Variants in PREX1 observed in about 807,000 individuals in gnomAD.
The protein encoded by PREX1 is phosphatidylinositol-3,4,5-trisphosphate dependent Rac exchange factor 1.
A neutral mutation model predicts 198.3 loss-of-function variants in PREX1; 41 were observed. The observed-to-expected ratio is 0.21, with a 90% CI of 0.16 to 0.27. PREX1 has a LOEUF of 0.27. Among genes scored for constraint, PREX1 ranks in the 10% least tolerant of loss-of-function variants. PREX1 has a pLI of 1.00. For synonymous variants in PREX1, 843 were observed against 887.2 expected, an observed-to-expected ratio of 0.95 and a Z score of 0.89; for missense variants, 1,620 against 2,200.7, an observed-to-expected ratio of 0.74 and a Z score of 5.28.
intron 14 of PREX1, among the ~76,000 whole-genome samples, chr20:48,671,175 A>C (rs931589832): frequency 3.9e-5 from 6 of 152,246 alleles, no homozygotes; most frequent in Non-Finnish European, 8.8e-5. Flanking sequence ...GGTGTATGTC[A>C]GACCCATCCA....
At position 48,649,902 on chromosome 20, in the gene PREX1, T is replaced by A. The variant is rs976215741; in HGVS notation, c.3028+94A>T. 4.9e-6 allele frequency: 7 copies of A among 1,429,448 alleles called. No homozygotes were observed. The Admixed American group carries it at 1.3e-4, about 26-fold the overall frequency. 88.5% of individuals were successfully genotyped at this position (1,429,448 alleles called of 1,614,324 possible). The stretch of plus-strand genomic sequence containing the variant: ...TCCCTGATGACCATGGAGCCGCCAT[T>A]CCAGCCCTGGACGGCTGACCTTCAG... On this transcript the variant is annotated intron_variant, in intron 24 of 39. Transcript: ENST00000371941.
the PREX1 span, among the ~76,000 whole-genome samples, chr20:48,887,946 T>A: frequency 6.6e-6 from 1 of 151,662 alleles, no homozygotes; most frequent in South Asian, 2.1e-4. Context: ...TGAGATTCCG[T>A]CTCAAAAAAA....
chr20:48,679,489 G>A, intron 12 of PREX1, 80 bp from the exon 13 acceptor site: 1 of 1,490,108 alleles, frequency 6.7e-7, no homozygotes, highest in South Asian at 1.1e-5. Flanking sequence ...TGGGAGAGAT[G>A]GCTTCCAGGA....
chr20:48,749,930 T>C (rs947988200), intron 1 of PREX1, among the ~76,000 whole-genome samples: 5 of 152,036 alleles, frequency 3.3e-5, no homozygotes, highest in African/African-American at 1.2e-4. Context: ...CCCCCATGTT[T>C]ATATCCCCAG....
intron 1 of PREX1, among the ~76,000 whole-genome samples, chr20:48,817,519 T>G (rs1167576460): frequency 6.6e-6 from 1 of 152,120 alleles, no homozygotes; most frequent in African/African-American, 2.4e-5. Flanking sequence ...ATTTTATAGA[T>G]GAGGAAACCA....
At chr20:48,668,088 C>G (rs1210064382) in intron 14 of PREX1, among the ~76,000 whole-genome samples, 1 of 152,158 alleles carries the variant, frequency 6.6e-6, no homozygotes, top group Non-Finnish European at 1.5e-5. Flanking sequence ...TAGCCAGGGC[C>G]TGTTTCTGTT....
chr20:48,749,714 C>T (rs181427172), intron 1 of PREX1, among the ~76,000 whole-genome samples: 20 of 152,320 alleles, frequency 1.3e-4, no homozygotes, highest in Admixed American at 7.2e-4. Context: ...GAAGCAGCTT[C>T]GTCTCTGTCC....
chr20:48,641,391 T>C (rs990810015), intron 29 of PREX1, among the ~76,000 whole-genome samples: 2 of 152,198 alleles, frequency 1.3e-5, no homozygotes, highest in South Asian at 2.1e-4. Context: ...GCTTTTCATA[T>C]ATAGGGAGTT....
intron 4 of PREX1, among the ~76,000 whole-genome samples, chr20:48,729,490 TG>T (rs1337969135): frequency 6.6e-6 from 1 of 152,124 alleles, no homozygotes; most frequent in African/African-American, 2.4e-5. Context: ...CCCACCTGGA[TG>T]TACTGCAGGT....
At chr20:48,819,739 C>T (rs766732048) in intron 1 of PREX1, among the ~76,000 whole-genome samples, 4 of 152,340 alleles carry the variant, frequency 2.6e-5, no homozygotes, top group South Asian at 2.1e-4. Flanking sequence ...TTTCTTTTTG[C>T]GGTGTCTGAA....
intron 1 of PREX1, among the ~76,000 whole-genome samples, chr20:48,792,860 T>C (rs1459552016): frequency 9.5e-6 from 1 of 105,740 alleles, no homozygotes; most frequent in African/African-American, 3.5e-5. Flanking sequence ...ACACATAGTA[T>C]GATTCCATTT....
At position 48,634,231 on chromosome 20, in the gene PREX1, G is replaced by A. The variant is rs977576455; in HGVS notation, c.4267+445C>T. Among the ~76,000 whole-genome samples the A allele has an allele frequency of 2.6e-5, 4 of 152,008 alleles. No homozygotes were observed. In the East Asian group the frequency reaches 7.7e-4, roughly 29 times the overall value. On this transcript the variant is annotated intron_variant, in intron 33 of 39. Transcript: ENST00000371941. ...AAATGGGTGGGCAGGTGGAAGGATG[G>A]GTGGAAAATAGACACAGAGAGAAAG...
intron 7 of PREX1, among the ~76,000 whole-genome samples, chr20:48,696,813 A>G (rs1416616988): frequency 6.6e-6 from 1 of 151,898 alleles, no homozygotes; most frequent in Non-Finnish European, 1.5e-5. Context: ...TCCTGGGCAA[A>G]TTTCTTCTCC....
chr20:48,659,262 A>AAGGAAGGGAGGAAGGAAGGAAGGAAGGG (rs143111463), intron 16 of PREX1, among the ~76,000 whole-genome samples: 1 of 134,416 alleles, frequency 7.4e-6, no homozygotes, highest in Non-Finnish European at 1.6e-5. Flanking sequence ...GGAAGGAAGG[A>AAGGAAGGGAGGAAGGAAGGAAGGAAGGG]CGGGCACGAG....
intron 3 of PREX1, among the ~76,000 whole-genome samples, chr20:48,742,561 A>G (rs2090087112): frequency 6.6e-6 from 1 of 152,062 alleles, no homozygotes; most frequent in African/African-American, 2.4e-5. Flanking sequence ...GCACAGAACA[A>G]CTTCCCACAA....
intron 1 of PREX1, among the ~76,000 whole-genome samples, chr20:48,813,411 G>T (rs1254968656): frequency 2.6e-5 from 4 of 152,210 alleles, no homozygotes; most frequent in Non-Finnish European, 5.9e-5. Flanking sequence ...TGGACTGGGG[G>T]TGGGGATGGG....
At chr20:48,845,816 A>C in the PREX1 span, among the ~76,000 whole-genome samples, 1 of 152,148 alleles carries the variant, frequency 6.6e-6, no homozygotes, top group East Asian at 1.9e-4. Flanking sequence ...GTGAGGTGGT[A>C]ATGTGGAGAC....
intron 1 of PREX1, among the ~76,000 whole-genome samples, chr20:48,806,855 G>A (rs2090414033): frequency 6.6e-6 from 1 of 152,230 alleles, no homozygotes; most frequent in Non-Finnish European, 1.5e-5. Context: ...GGTGAAGAGG[G>A]CTCAGTGCCA....
At chr20:48,650,245 C>A (rs1395115072) in intron 23 of PREX1, 39 bp from the exon 24 acceptor site, 1 of 1,564,314 alleles carries the variant, frequency 6.4e-7, no homozygotes, top group African/African-American at 1.4e-5. Flanking sequence ...AATCACAGGG[C>A]AGGGTCTGGA....
Sources: allele counts gnomAD v4.1 joint callset (sites outside exome capture counted in the v4.1 genomes callset), GRCh38; gene constraint gnomAD v4.1.1; transcripts MANE v1.5; gene names NCBI Gene and HGNC (gene_info 2026-07-23, HGNC 2026-07-21).